ITSN1: variants seen among roughly 807,000 people sequenced by gnomAD.
ITSN1 encodes intersectin-1.
A neutral mutation model predicts 239.8 loss-of-function variants in ITSN1; 58 were observed. The ratio of observed to expected loss-of-function variants is 0.24; its 90% CI spans 0.20 to 0.30. The LOEUF is 0.30. ITSN1 is among the 10% of genes least tolerant of loss of function. The pLI, the probability that ITSN1 is intolerant of heterozygous loss-of-function variation, is 1.00. For synonymous variants in ITSN1, 780 were observed against 770.8 expected, an observed-to-expected ratio of 1.01 and a Z score of -0.20; for missense variants, 1,558 against 2,103.3, an observed-to-expected ratio of 0.74 and a Z score of 5.07.
rs554961641 is a variant in ITSN1 at position 33,889,053 on chromosome 21, C to T, written c.*753C>T. ...CACAGAAAGTCATTATCTAGAAAGT[C>T]ACCCCTCTGCTGGATCAGATCACTA... is the stretch of plus-strand genomic sequence containing the variant. On this transcript the variant is annotated 3_prime_UTR_variant, in exon 40 of 40. Transcript: ENST00000381318. 4 of 152,030 alleles carry T rather than the reference C, an allele frequency of 2.6e-5. No homozygotes were observed. The highest frequency in any genetic ancestry group is 9.6e-5 in the African/African-American group (4 of 41,492). 9.4% of individuals were successfully genotyped at this position (152,030 alleles called of 1,614,324 possible).
intron 5 of ITSN1, among the ~76,000 whole-genome samples, chr21:33,738,012 A>G (rs936549071): frequency 6.6e-6 from 1 of 152,034 alleles, no homozygotes; most frequent in African/African-American, 2.4e-5. Context: ...GCAAAACCCC[A>G]TCTCTACAAA....
In ITSN1 at chr21:33,735,250, A is replaced by T. The variant is rs755021869; in HGVS notation, c.346+46A>T. On this transcript the variant is annotated intron_variant, in intron 5 of 39. Transcript: ENST00000381318. ...GTTTCTGTATTTTCTTGTATATTTT[A>T]AAAATAAATGTTTTCCTTTTTTTCC... 4 of 1,570,140 alleles carry T rather than the reference A, an allele frequency of 2.5e-6. No homozygotes were observed. The Admixed American group carries it at 6.8e-5, about 27-fold the overall frequency.
Position 33,755,280 on chromosome 21 carries a change from T to C in ITSN1, c.624-17T>C. ...TTATGGATAATCCTCTTTCTCTCCT[T>C]TTTCTTTTCCCCACAGTGTCCCACC... On this transcript the variant is annotated splice_polypyrimidine_tract_variant and intron_variant, in intron 7 of 39. Transcript: ENST00000381318. 2.0e-6 allele frequency: 3 copies of C among 1,522,288 alleles called. No homozygotes were observed. The highest frequency in any genetic ancestry group is 1.4e-5 in the African/African-American group (1 of 72,628). 94.3% of individuals were successfully genotyped at this position (1,522,288 alleles called of 1,614,324 possible).
At chr21:33,830,156 G>A (rs546332840) in intron 27 of ITSN1, among the ~76,000 whole-genome samples, 5 of 152,216 alleles carry the variant, frequency 3.3e-5, no homozygotes, top group East Asian at 1.9e-4. Context: ...TTTAGTTCCC[G>A]TGTGTGTGCG....
Position 33,778,571 on chromosome 21 carries a change from CTTTTTTTTTTTTT to C in ITSN1, c.1597-2877_1597-2865del, listed in dbSNP as rs397948229. ...TGTATAAAGTTGTTTATAATATTCT[CTTTTTTTTTTTTT>C]TTTTTTTTTTTTGAGACGGAGTCTC... On this transcript the variant is annotated intron_variant, in intron 14 of 39. Coordinates refer to ENST00000381318, the MANE Select transcript of ITSN1 (RefSeq NM_003024.3). Among the ~76,000 whole-genome samples, 4 of 63,942 alleles carry C rather than the reference CTTTTTTTTTTTTT, an allele frequency of 6.3e-5. No individual in the cohort carries two copies. In the East Asian group the frequency reaches 1.6e-3, roughly 25 times the overall value. 41.9% of individuals were successfully genotyped at this position (63,942 alleles called of 152,430 possible).
In ITSN1 at chr21:33,802,520, T is replaced by G. The variant is rs540617207; in HGVS notation, c.2319+76T>G. 8.9e-5 allele frequency: 123 copies of G among 1,385,314 alleles called. 3 individuals are homozygous for G. In the South Asian group the frequency reaches 1.1e-3, roughly 12 times the overall value. The allele number at this position is 1,385,314 out of a possible 1,614,324, so 85.8% of individuals were successfully genotyped here. A position where few individuals can be genotyped will look rare whatever the true frequency, so the allele number is the denominator to read the frequency against. ...CCTTTTAAGTCACTTGAATTCTGTG[T>G]AAGTACACGTATCTCTGGGTGTTGT... On this transcript the variant is annotated intron_variant, in intron 20 of 39. Coordinates refer to ENST00000381318, the MANE Select transcript of ITSN1 (RefSeq NM_003024.3).
intron 1 of ITSN1, among the ~76,000 whole-genome samples, chr21:33,684,381 G>A (rs2091132358): frequency 6.6e-6 from 1 of 152,144 alleles, no homozygotes; most frequent in South Asian, 2.1e-4. Flanking sequence ...TTTGTGTGTT[G>A]TAATTCTTAG....
intron 28 of ITSN1, among the ~76,000 whole-genome samples, chr21:33,836,134 GTTCC>G (rs2074588795): frequency 6.6e-6 from 1 of 152,192 alleles, no homozygotes; most frequent in Non-Finnish European, 1.5e-5. Context: ...GTAGGAAGGA[GTTCC>G]GCTGCACTCA....
intron 1 of ITSN1, among the ~76,000 whole-genome samples, chr21:33,653,962 T>G (rs1246285530): frequency 1.3e-5 from 2 of 152,148 alleles, no homozygotes; most frequent in Non-Finnish European, 2.9e-5. Flanking sequence ...TGTATTTGTT[T>G]ATTGGCATGG....
At chr21:33,849,098 G>A (rs1265657318) in intron 29 of ITSN1, among the ~76,000 whole-genome samples, 1 of 151,938 alleles carries the variant, frequency 6.6e-6, no homozygotes, top group Non-Finnish European at 1.5e-5. Flanking sequence ...AAAATTAGCT[G>A]GGCGTGGTGG....
At chr21:33,837,179 A>G in intron 29 of ITSN1, 1 of 1,333,236 alleles carries the variant, frequency 7.5e-7, no homozygotes, top group Non-Finnish European at 9.6e-7. Flanking sequence ...GTTGCATGTG[A>G]TCGCAATGTT....
In ITSN1 at chr21:33,726,395, AG is replaced by A. The variant is rs1214586169; in HGVS notation, c.185+3747del. On this transcript the variant is annotated intron_variant, in intron 4 of 39. Coordinates refer to ENST00000381318, the MANE Select transcript of ITSN1 (RefSeq NM_003024.3). ...TATGTTCTTCTGTGATTTTTCTGGT[AG>A]GGTCCCAGGGTAAGTCCTTACTCCT... Among the ~76,000 whole-genome samples the A allele has an allele frequency of 2.0e-5, 3 of 152,286 alleles. No individual in the cohort carries two copies. The East Asian group carries it at 5.8e-4, about 29-fold the overall frequency.
intron 22 of ITSN1, among the ~76,000 whole-genome samples, chr21:33,816,230 T>C (rs1224187656): frequency 6.6e-6 from 1 of 151,984 alleles, no homozygotes; most frequent in Non-Finnish European, 1.5e-5. Flanking sequence ...TAATTTAACC[T>C]GAGTCCGTAA....
At chr21:33,798,083 T>C (rs1368050821) in intron 18 of ITSN1, among the ~76,000 whole-genome samples, 1 of 152,156 alleles carries the variant, frequency 6.6e-6, no homozygotes, top group Non-Finnish European at 1.5e-5. Flanking sequence ...TTACTTCTCT[T>C]TTCTTTCTTC....
intron 7 of ITSN1, among the ~76,000 whole-genome samples, chr21:33,753,503 C>T (rs776235654): frequency 1.3e-5 from 2 of 152,090 alleles, no homozygotes; most frequent in Non-Finnish European, 2.9e-5. Flanking sequence ...TGGCTCACGC[C>T]TGTAATCCCA....
intron 21 of ITSN1, among the ~76,000 whole-genome samples, chr21:33,811,837 G>A (rs1453623606): frequency 6.6e-6 from 1 of 152,162 alleles, no homozygotes; most frequent in East Asian, 1.9e-4. Context: ...TCCAGTTATA[G>A]GGCCATGACC....
chr21:33,883,149 A>G (rs1462849499), intron 35 of ITSN1, among the ~76,000 whole-genome samples: 1 of 152,204 alleles, frequency 6.6e-6, no homozygotes, highest in Non-Finnish European at 1.5e-5. Context: ...TGTAAAGTGG[A>G]TGAAAACTGC....
rs370967555 is a variant in ITSN1, at chr21:33,767,610, T to C, written c.927-103T>C. On this transcript the variant is annotated intron_variant, in intron 10 of 39. Coordinates refer to ENST00000381318, the MANE Select transcript of ITSN1 (RefSeq NM_003024.3). Reference sequence around the variant, plus strand: ...TTTCCTTACTGTAAATGAAATTTGCTCCATGGCATGGTAAAATCTTTAAAA... The same window carrying C: ...TTTCCTTACTGTAAATGAAATTTGCCCCATGGCATGGTAAAATCTTTAAAA... The C allele has an allele frequency of 5.6e-6, 3 of 538,476 alleles. No homozygotes were observed. In the East Asian group the frequency reaches 9.2e-5, roughly 17 times the overall value. 33.4% of individuals were successfully genotyped at this position (538,476 alleles called of 1,614,324 possible).
intron 29 of ITSN1, among the ~76,000 whole-genome samples, chr21:33,846,423 G>A (rs1389328302): frequency 1.3e-5 from 2 of 152,204 alleles, no homozygotes; most frequent in African/African-American, 4.8e-5. Context: ...TAGACTGTGA[G>A]CTCCTTGGAG....
Sources: gnomAD v4.1 joint callset for allele counts (sites outside exome capture counted in the v4.1 genomes callset) on GRCh38, gnomAD v4.1.1 for gene constraint, MANE v1.5 for transcripts, NCBI Gene and HGNC (gene_info 2026-07-23, HGNC 2026-07-21) for gene names.